SORCS3: variants seen among roughly 807,000 people sequenced by gnomAD.
SORCS3 encodes VPS10 domain-containing receptor SorCS3.
SORCS3 carries 57 observed loss-of-function variants against 146.3 expected under a neutral mutation model. The observed-to-expected ratio is 0.39, with a 90% CI of 0.31 to 0.49. SORCS3 has a LOEUF of 0.49. SORCS3 is among the 20% of genes least tolerant of loss of function. The pLI is 0.92. For synonymous variants in SORCS3, 653 were observed against 618.5 expected, an observed-to-expected ratio of 1.06 and a Z score of -0.83; for missense variants, 1,341 against 1,575.5, an observed-to-expected ratio of 0.85 and a Z score of 2.52.
At chr10:105,229,840 G>C (rs1214705149) in intron 20 of SORCS3, among the ~76,000 whole-genome samples, 1 of 152,154 alleles carries the variant, frequency 6.6e-6, no homozygotes, top group Non-Finnish European at 1.5e-5. Context: ...GGGCCTTCAG[G>C]TGTCTTGCTG....
intron 1 of SORCS3, among the ~76,000 whole-genome samples, chr10:104,661,620 T>A (rs2015701827): frequency 6.6e-6 from 1 of 152,334 alleles, no homozygotes; most frequent in African/African-American, 2.4e-5. Flanking sequence ...GAGTTGTTAT[T>A]ACCTATATAT....
intron 1 of SORCS3, among the ~76,000 whole-genome samples, chr10:104,667,126 T>C (rs1255182380): frequency 6.6e-6 from 1 of 152,208 alleles, no homozygotes; most frequent in Non-Finnish European, 1.5e-5. Context: ...AGTGAGGAGA[T>C]ACTGGAGTGT....
chr10:105,009,683 C>T (rs185237968), intron 4 of SORCS3, among the ~76,000 whole-genome samples: 1 of 151,880 alleles, frequency 6.6e-6, no homozygotes, highest in Non-Finnish European at 1.5e-5. Flanking sequence ...TTTTTTATGA[C>T]TTTTTCAATA....
chr10:104,970,367 G>A (rs1460581793), intron 3 of SORCS3, among the ~76,000 whole-genome samples: 1 of 152,126 alleles, frequency 6.6e-6, no homozygotes, highest in Non-Finnish European at 1.5e-5. Context: ...AGCTGGTCTT[G>A]AACTCCTGAC....
At chr10:104,691,938 T>C (rs941163787) in intron 1 of SORCS3, among the ~76,000 whole-genome samples, 1 of 152,140 alleles carries the variant, frequency 6.6e-6, no homozygotes, top group African/African-American at 2.4e-5. Context: ...GAGATCTTGC[T>C]ATGTTGTCCA....
chr10:104,668,978 A>G (rs1023312465), intron 1 of SORCS3, among the ~76,000 whole-genome samples: 1 of 152,174 alleles, frequency 6.6e-6, no homozygotes, highest in Non-Finnish European at 1.5e-5. Flanking sequence ...CGGGGAAGTT[A>G]GTTCAGCTGG....
chr10:104,718,610 A>G (rs2016507656), intron 1 of SORCS3, among the ~76,000 whole-genome samples: 2 of 152,172 alleles, frequency 1.3e-5, no homozygotes, highest in Admixed American at 6.5e-5. Context: ...TCCCTATGGT[A>G]TCTACTGCAG....
intron 1 of SORCS3, among the ~76,000 whole-genome samples, chr10:104,773,131 A>G (rs755790939): frequency 1.3e-5 from 2 of 152,206 alleles, no homozygotes; most frequent in Non-Finnish European, 2.9e-5. Flanking sequence ...GCAGGGGAGC[A>G]GCACACATGT....
chr10:104,734,746 A>G (rs1173043390), intron 1 of SORCS3, among the ~76,000 whole-genome samples: 1 of 152,328 alleles, frequency 6.6e-6, no homozygotes, highest in East Asian at 1.9e-4. Flanking sequence ...CATGTTTTGC[A>G]ATGAAAATAC....
intron 4 of SORCS3, among the ~76,000 whole-genome samples, chr10:104,993,990 G>GA (rs1554865992): frequency 6.6e-6 from 1 of 152,070 alleles, no homozygotes; most frequent in Non-Finnish European, 1.5e-5. Flanking sequence ...TGGTAAAAAG[G>GA]AAAATGAAGA....
chr10:105,056,090 A>G (rs573152313), intron 5 of SORCS3, among the ~76,000 whole-genome samples: 1 of 152,318 alleles, frequency 6.6e-6, no homozygotes, highest in East Asian at 1.9e-4. Context: ...AGGAGATAGG[A>G]TGGAAGAATC....
At chr10:104,717,179 G>C (rs2016489325) in intron 1 of SORCS3, among the ~76,000 whole-genome samples, 1 of 151,826 alleles carries the variant, frequency 6.6e-6, no homozygotes, top group Non-Finnish European at 1.5e-5. Flanking sequence ...CAGTTTCTTG[G>C]AAGGCTGAGA....
At chr10:104,887,268 G>A (rs938476247) in intron 2 of SORCS3, among the ~76,000 whole-genome samples, 2 of 152,162 alleles carry the variant, frequency 1.3e-5, no homozygotes, top group African/African-American at 4.8e-5. Flanking sequence ...AGTAGCTTAA[G>A]CTAAGGCTGA....
At chr10:104,871,857 G>T (rs1010532448) in intron 2 of SORCS3, among the ~76,000 whole-genome samples, 1 of 152,064 alleles carries the variant, frequency 6.6e-6, no homozygotes, top group Non-Finnish European at 1.5e-5. Context: ...TGTGAGATGC[G>T]CTTGCTTAGT....
chr10:105,116,122 C>T (rs2055892034), intron 7 of SORCS3, among the ~76,000 whole-genome samples: 1 of 152,192 alleles, frequency 6.6e-6, no homozygotes, highest in African/African-American at 2.4e-5. Flanking sequence ...ATTTGAAATA[C>T]TTCTATGAAT....
chr10:105,078,356 T>G (rs2055601988), intron 5 of SORCS3, among the ~76,000 whole-genome samples: 1 of 152,088 alleles, frequency 6.6e-6, no homozygotes, highest in Non-Finnish European at 1.5e-5. Flanking sequence ...GAGCCTGTCT[T>G]TAAGAAGAAT....
At chr10:105,148,720 A>G (rs373965128) in intron 9 of SORCS3, among the ~76,000 whole-genome samples, 4 of 152,116 alleles carry the variant, frequency 2.6e-5, no homozygotes, top group East Asian at 3.9e-4. Context: ...GGGTTTTCCT[A>G]TTGAGGAGTG....
At chr10:104,901,660 C>G (rs1343379829) in intron 2 of SORCS3, among the ~76,000 whole-genome samples, 2 of 152,144 alleles carry the variant, frequency 1.3e-5, no homozygotes, top group Non-Finnish European at 2.9e-5. Context: ...TGTCGTCTTG[C>G]CCAGCCTTTC....
intron 16 of SORCS3, among the ~76,000 whole-genome samples, chr10:105,207,012 A>T (rs2056606244): frequency 1.3e-5 from 2 of 152,022 alleles, no homozygotes. Context: ...AGAGACCATG[A>T]CTTCTTGGTT....
Sources: gnomAD v4.1 joint callset for allele counts (sites outside exome capture counted in the v4.1 genomes callset) on GRCh38, gnomAD v4.1.1 for gene constraint, MANE v1.5 for transcripts, NCBI Gene and HGNC (gene_info 2026-07-23, HGNC 2026-07-21) for gene names.